Variants in CDH18 observed in about 807,000 individuals in gnomAD.
CDH18 encodes cadherin-18.
A neutral mutation model predicts 67.9 loss-of-function variants in CDH18; 31 were observed. That is an observed-to-expected ratio of 0.46 (90% CI 0.34 to 0.62). CDH18 has a LOEUF of 0.62. Ranked by LOEUF, CDH18 falls within the 20% of genes least tolerant of loss-of-function variation. CDH18 has a pLI of 0.01. For synonymous variants in CDH18, 362 were observed against 347.2 expected (o/e 1.04, Z -0.48); for missense variants, 890 against 975.5 (o/e 0.91, Z 1.17).
chr5:19,955,086 T>G (rs1488685150), intron 2 of CDH18, among the ~76,000 whole-genome samples: 1 of 152,096 alleles, frequency 6.6e-6, no homozygotes, highest in Non-Finnish European at 1.5e-5. Flanking sequence ...GATGGTTTCA[T>G]AAAGGGCTTT....
At chr5:20,333,700 G>A (rs949183489) in intron 1 of CDH18, among the ~76,000 whole-genome samples, 25 of 151,844 alleles carry the variant, frequency 1.6e-4, no homozygotes, top group Non-Finnish European at 3.1e-4. Context: ...GAATTTAACC[G>A]GCATCGATTG....
At chr5:19,485,685 C>T (rs925800612) in intron 11 of CDH18, among the ~76,000 whole-genome samples, 1 of 152,186 alleles carries the variant, frequency 6.6e-6, no homozygotes, top group African/African-American at 2.4e-5. Context: ...GCAGATCTAT[C>T]AGCTGTAGGA....
chr5:20,462,364 T>C (rs973290154), intron 1 of CDH18, among the ~76,000 whole-genome samples: 1 of 151,936 alleles, frequency 6.6e-6, no homozygotes, highest in African/African-American at 2.4e-5. Context: ...GAAGAGTATA[T>C]AGAGGTGGAA....
chr5:20,216,731 C>T (rs1328078168), intron 2 of CDH18, among the ~76,000 whole-genome samples: 2 of 151,918 alleles, frequency 1.3e-5, no homozygotes, highest in African/African-American at 4.8e-5. Context: ...AAAACAGCAA[C>T]ATCAGCAGCA....
intron 2 of CDH18, among the ~76,000 whole-genome samples, chr5:20,111,546 CTTTTTTTTTT>C (rs760458451): frequency 3.9e-5 from 2 of 51,940 alleles, no homozygotes; most frequent in African/African-American, 1.2e-4. Context: ...TTCCTTCTTT[CTTTTTTTTTT>C]TTTTTTTTTT....
At chr5:20,304,821 A>C in intron 1 of CDH18, 3 of 1,611,358 alleles carry the variant, frequency 1.9e-6, no homozygotes, top group South Asian at 1.1e-5. Context: ...TGTTAGATTC[A>C]CTTTCAGAAT....
At chr5:20,017,345 G>T (rs572835441) in intron 2 of CDH18, among the ~76,000 whole-genome samples, 1 of 151,998 alleles carries the variant, frequency 6.6e-6, no homozygotes, top group East Asian at 1.9e-4. Context: ...TCTAAAAAAG[G>T]GTCAAATTTG....
chr5:20,374,177 G>A (rs1319926850), intron 1 of CDH18, among the ~76,000 whole-genome samples: 1 of 152,168 alleles, frequency 6.6e-6, no homozygotes, highest in African/African-American at 2.4e-5. Context: ...AGCCAGGTAT[G>A]TCTGATTTAG....
chr5:19,789,524 T>C (rs1776146094), intron 3 of CDH18, among the ~76,000 whole-genome samples: 1 of 152,100 alleles, frequency 6.6e-6, no homozygotes, highest in African/African-American at 2.4e-5. Context: ...AATAAGTCAA[T>C]AGAACTTGGC....
At chr5:20,468,616 TGTAAA>T (rs976470683) in intron 1 of CDH18, among the ~76,000 whole-genome samples, 18 of 152,318 alleles carry the variant, frequency 1.2e-4, no homozygotes, top group African/African-American at 4.1e-4. Flanking sequence ...TTTTCTCCTT[TGTAAA>T]GTATTTTCTA....
rs536310189 is a variant in CDH18, at chr5:19,814,066, T to A, written c.228+24693A>T. On this transcript the variant is annotated intron_variant, in intron 3 of 12. Coordinates refer to ENST00000382275, the MANE Select transcript of CDH18 (RefSeq NM_004934.5). ...TGTCTTTTTGTGTGTGTGCAGATTT[T>A]AAAAAAAATAAATTTAATATGGGAG... 2.9e-3 allele frequency among the ~76,000 whole-genome samples: 438 copies of A among 151,686 alleles called. 2 individuals carry two copies. Among genetic ancestry groups the A allele is most frequent in the African/African-American group, 3.9e-3 (163 of 41,436 alleles).
At chr5:20,397,016 A>T (rs1374600030) in intron 1 of CDH18, among the ~76,000 whole-genome samples, 2 of 152,206 alleles carry the variant, frequency 1.3e-5, no homozygotes, top group African/African-American at 2.4e-5. Flanking sequence ...GCCCCAACTC[A>T]GCAAGTTTAG....
At chr5:19,943,660 G>A (rs180753512) in intron 2 of CDH18, among the ~76,000 whole-genome samples, 16 of 151,866 alleles carry the variant, frequency 1.1e-4, no homozygotes, top group Non-Finnish European at 7.4e-5. Flanking sequence ...AGAGAGAATT[G>A]GGACCAAAGG....
intron 2 of CDH18, among the ~76,000 whole-genome samples, chr5:20,041,961 T>C (rs1189786149): frequency 6.6e-6 from 1 of 152,086 alleles, no homozygotes; most frequent in East Asian, 1.9e-4. Flanking sequence ...AAAGGAAAAA[T>C]ATATGCTTTA....
chr5:19,638,598 G>C (rs1580640117), intron 5 of CDH18, among the ~76,000 whole-genome samples: 1 of 150,726 alleles, frequency 6.6e-6, no homozygotes, highest in Non-Finnish European at 1.5e-5. Context: ...ACAGTTCCTG[G>C]ATGAGCATGA....
At chr5:19,746,236 T>C (rs965995262) in intron 4 of CDH18, among the ~76,000 whole-genome samples, 1 of 152,128 alleles carries the variant, frequency 6.6e-6, no homozygotes, top group Non-Finnish European at 1.5e-5. Context: ...ATCATTAGGG[T>C]GGCTCAGGTC....
chr5:20,393,850 G>A (rs919181412), intron 1 of CDH18, among the ~76,000 whole-genome samples: 6 of 151,744 alleles, frequency 4.0e-5, no homozygotes, highest in African/African-American at 7.3e-5. Context: ...TCTAACCAAG[G>A]AGGTAAAAGA....
intron 2 of CDH18, among the ~76,000 whole-genome samples, chr5:19,844,780 A>C (rs1439315280): frequency 6.6e-6 from 1 of 152,160 alleles, no homozygotes; most frequent in Non-Finnish European, 1.5e-5. Context: ...GCATAAATTA[A>C]AAGGGTTCTA....
chr5:20,399,840 T>C (rs971687496), intron 1 of CDH18, among the ~76,000 whole-genome samples: 1 of 152,128 alleles, frequency 6.6e-6, no homozygotes, highest in Non-Finnish European at 1.5e-5. Context: ...GAAATCTGCC[T>C]CCAGAAATAT....
Sources: gnomAD v4.1 joint callset for allele counts (sites outside exome capture counted in the v4.1 genomes callset) on GRCh38, gnomAD v4.1.1 for gene constraint, MANE v1.5 for transcripts, NCBI Gene and HGNC (gene_info 2026-07-23, HGNC 2026-07-21) for gene names.